The following HMGCL variants were observed in gnomAD, a reference collection of about 807,000 sequenced individuals.
HMGCL encodes 3-hydroxy-3-methylglutaryl-CoA lyase.
HMGCL carries 26 observed loss-of-function variants against 37.3 expected under a neutral mutation model. The observed-to-expected ratio is 0.70, with a 90% CI of 0.51 to 0.97. The LOEUF (loss-of-function observed/expected upper bound fraction) is 0.97, where lower values mean the gene tolerates loss of function less well. Among genes scored for constraint, HMGCL ranks in the 50% least tolerant of loss-of-function variants. The probability of loss-of-function intolerance (pLI) is 0.00; values close to 1 mark genes in which losing one functional copy is unlikely to be tolerated. For synonymous variants in HMGCL, 151 were observed against 148.0 expected, an observed-to-expected ratio of 1.02 and a Z score of -0.15; for missense variants, 379 against 398.1, an observed-to-expected ratio of 0.95 and a Z score of 0.41.
In HMGCL at chr1:23,810,814, G is replaced by A. The variant is rs1314312492; in HGVS notation, c.498-15C>T. 9 of 1,612,086 alleles carry A rather than the reference G, an allele frequency of 5.6e-6. No individual in the cohort carries two copies. The highest frequency in any genetic ancestry group is 6.8e-6 in the Non-Finnish European group (8 of 1,178,234). On this transcript the variant is annotated splice_polypyrimidine_tract_variant and intron_variant, in intron 5 of 8. Coordinates refer to ENST00000374490, the MANE Select transcript of HMGCL (RefSeq NM_000191.3). ...AGGAGACGTACCTGTGGGAAGACAG[G>A]GGAGGAATGAGGTCAGTGTCCTGAG...
At chr1:23,822,824 G>C (rs1638744317) in intron 1 of HMGCL, among the ~76,000 whole-genome samples, 1 of 152,114 alleles carries the variant, frequency 6.6e-6, no homozygotes, top group South Asian at 2.1e-4. Flanking sequence ...TATTTCTAAG[G>C]CCCTGGGACA....
At chr1:23,809,396 C>T (rs1638478744) in intron 6 of HMGCL, 1 of 151,328 alleles carries the variant, frequency 6.6e-6, no homozygotes, top group Non-Finnish European at 1.5e-5. Flanking sequence ...CCACCACCAC[C>T]CCCGGCTAAT....
At chr1:23,807,955 G>A (rs1638442576) in intron 7 of HMGCL, among the ~76,000 whole-genome samples, 180 bp downstream of exon 7, 1 of 152,142 alleles carries the variant, frequency 6.6e-6, no homozygotes, top group South Asian at 2.1e-4. Flanking sequence ...TCCCTTGACT[G>A]TCTCCCCAAC....
intron 2 of HMGCL, among the ~76,000 whole-genome samples, chr1:23,819,006 T>TAAAAA (rs11371330): frequency 2.5e-4 from 11 of 43,142 alleles, no homozygotes; most frequent in African/African-American, 9.3e-4. Flanking sequence ...ATGGACGTGC[T>TAAAAA]AAAAAAAAAA....
chr1:23,819,734 A>AAC (rs149911009), intron 2 of HMGCL, among the ~76,000 whole-genome samples: 187 of 151,588 alleles, frequency 1.2e-3, no homozygotes, highest in South Asian at 3.5e-3. Flanking sequence ...ATCTCCCAAA[A>AAC]ACACACACAC....
chr1:23,816,494 T>C (rs966748136), intron 4 of HMGCL, 181 bp downstream of exon 4: 56 of 708,404 alleles, frequency 7.9e-5, no homozygotes, highest in Non-Finnish European at 1.4e-4. Flanking sequence ...TTTATAGGCT[T>C]GTCAACTTGT....
At position 23,804,424 on chromosome 1, in the gene HMGCL, C is replaced by A; in HGVS notation, c.852G>T (p.Met284Ile). 1 of 1,614,230 alleles carries A rather than the reference C, an allele frequency of 6.2e-7. No individual in the cohort carries two copies. The highest frequency in any genetic ancestry group is 8.5e-7 in the Non-Finnish European group (1 of 1,180,036). Residue 284 changes from methionine (M) to isoleucine (I), a missense_variant, in exon 8 of 9, where the codon ATG becomes ATT. Coordinates refer to ENST00000374490, the MANE Select transcript of HMGCL (RefSeq NM_000191.3). ...CCGTGTGAATGCCCAAGCCCTCTAG[C>A]ATGTAGACCAGGTCTTCTGTGGCCA... ...GNLATEDLVY[M>I]LEGLGIHTGV... is the part of the protein sequence containing the mutation.
chr1:23,823,825 C>T (rs902717009), intron 1 of HMGCL, among the ~76,000 whole-genome samples: 1 of 151,664 alleles, frequency 6.6e-6, no homozygotes, highest in African/African-American at 2.4e-5. Flanking sequence ...AGCCACTGCA[C>T]TCCAGTCTGG....
At position 23,810,863 on chromosome 1, in the gene HMGCL, C is replaced by T; in HGVS notation, c.498-64G>A. 8.9e-6 allele frequency: 12 copies of T among 1,343,184 alleles called. No individual in the cohort carries two copies. The South Asian group carries it at 1.4e-4, about 16-fold the overall frequency. 83.2% of individuals were successfully genotyped at this position (1,343,184 alleles called of 1,614,324 possible). ...AGCTTTTTGGCTAGCAGAACTGAGG[C>T]AGGGCTGTTTAACACACATTTCTGA... is the stretch of plus-strand genomic sequence containing the variant. On this transcript the variant is annotated intron_variant, in intron 5 of 8. Coordinates refer to ENST00000374490, the MANE Select transcript of HMGCL (RefSeq NM_000191.3).
intron 3 of HMGCL, 55 bp downstream of exon 3, chr1:23,817,421 A>G: frequency 4.7e-6 from 5 of 1,053,650 alleles, no homozygotes; most frequent in Non-Finnish European, 7.5e-6. Flanking sequence ...TTCAAAGGCA[A>G]ATGCAAAACT....
At chr1:23,805,460 C>T (rs1638390333) in intron 7 of HMGCL, among the ~76,000 whole-genome samples, 2 of 152,204 alleles carry the variant, frequency 1.3e-5, no homozygotes, top group African/African-American at 2.4e-5. Context: ...AACAGGTTTG[C>T]GTCCCCACAA....
intron 2 of HMGCL, among the ~76,000 whole-genome samples, chr1:23,819,636 G>C (rs1638675298): frequency 6.6e-6 from 1 of 152,162 alleles, no homozygotes; most frequent in Non-Finnish European, 1.5e-5. Flanking sequence ...GGCTGAGGCA[G>C]GAGAATCACT....
At chr1:23,822,832 A>G (rs1444392857) in intron 1 of HMGCL, among the ~76,000 whole-genome samples, 2 of 152,172 alleles carry the variant, frequency 1.3e-5, no homozygotes, top group Non-Finnish European at 2.9e-5. Context: ...AGGCCCTGGG[A>G]CATAATAGGG....
In HMGCL at chr1:23,806,537, G is replaced by A. The variant is rs1279077392; in HGVS notation, c.750+1598C>T. ...CCCTCCCCCTCCCTGCTAGGGATCC[G>A]CAGGGCTCACTCCCTCGCTTCCCTC... On this transcript the variant is annotated intron_variant, in intron 7 of 8. Transcript: ENST00000374490. The surrounding 1 kb of genome is among the most constrained non-coding windows in gnomAD (Gnocchi z 4.0). Among the ~76,000 whole-genome samples the A allele has an allele frequency of 2.6e-5, 4 of 152,110 alleles. No individual in the cohort carries two copies. Among genetic ancestry groups the A allele is most frequent in the Admixed American group, 6.5e-5 (1 of 15,270 alleles).
At position 23,801,887 on chromosome 1, in the gene HMGCL, A is replaced by G; in HGVS notation, c.*576T>C. 2.4e-6 allele frequency: 1 copy of G among 415,334 alleles called. No homozygotes were observed. Among genetic ancestry groups the G allele is most frequent in the Non-Finnish European group, 4.3e-6 (1 of 234,496 alleles). 25.7% of individuals were successfully genotyped at this position (415,334 alleles called of 1,614,324 possible). The stretch of plus-strand genomic sequence containing the variant: ...AGCTGCACAACCGAATGCTGGAATT[A>G]TGATGTGCCATTCAACCTTTAATTA... On this transcript the variant is annotated 3_prime_UTR_variant, in exon 9 of 9. Transcript: ENST00000374490.
At position 23,802,175 on chromosome 1, in the gene HMGCL, G is replaced by A. The variant is rs187470514; in HGVS notation, c.*288C>T. 16 of 592,932 alleles carry A rather than the reference G, an allele frequency of 2.7e-5. No individual in the cohort carries two copies. The highest frequency in any genetic ancestry group is 1.1e-4 in the South Asian group (5 of 47,238). 36.7% of individuals were successfully genotyped at this position (592,932 alleles called of 1,614,324 possible). A position where few individuals can be genotyped will look rare whatever the true frequency, so the allele number is the denominator to read the frequency against. On this transcript the variant is annotated 3_prime_UTR_variant, in exon 9 of 9. Coordinates refer to ENST00000374490, the MANE Select transcript of HMGCL (RefSeq NM_000191.3). ...TCAAGGATCATGCTAAGTAGGGAACGGGGTTCCCACACGTCCTCAGGCATT... is the reference window on the plus strand; with the variant it reads ...TCAAGGATCATGCTAAGTAGGGAACAGGGTTCCCACACGTCCTCAGGCATT...
intron 1 of HMGCL, among the ~76,000 whole-genome samples, chr1:23,823,179 C>CAA (rs60736552): frequency 0.041 from 1,502 of 36,220 alleles, 82 homozygotes; most frequent in African/African-American, 0.11. Flanking sequence ...TTCTTCATCT[C>CAA]AAAAAAAAAA....
In HMGCL at chr1:23,808,753, T is replaced by C. The variant is rs545994146; in HGVS notation, c.562-430A>G. Among the ~76,000 whole-genome samples, 42 of 149,136 alleles carry C rather than the reference T, an allele frequency of 2.8e-4. No homozygotes were observed. In the East Asian group the frequency reaches 4.3e-3, roughly 15 times the overall value. On this transcript the variant is annotated intron_variant, in intron 6 of 8. Transcript: ENST00000374490. ...GTTATATTTTTTTTCTTTTTTTTTT[T>C]TTTTTTTTGAGACCGGGTCTCACTC...
In HMGCL at chr1:23,802,181, C is replaced by T. The variant is rs1638290170; in HGVS notation, c.*282G>A. On this transcript the variant is annotated 3_prime_UTR_variant, in exon 9 of 9. Coordinates refer to ENST00000374490, the MANE Select transcript of HMGCL (RefSeq NM_000191.3). ...ATCATGCTAAGTAGGGAACGGGGTT[C>T]CCACACGTCCTCAGGCATTCAACTC... 4 of 594,554 alleles carry T rather than the reference C, an allele frequency of 6.7e-6. No individual in the cohort carries two copies. Among genetic ancestry groups the T allele is most frequent in the Admixed American group, 3.0e-5 (1 of 33,836 alleles). 36.8% of individuals were successfully genotyped at this position (594,554 alleles called of 1,614,324 possible). A position where few individuals can be genotyped will look rare whatever the true frequency, so the allele number is the denominator to read the frequency against.
Sources: allele counts gnomAD v4.1 joint callset (sites outside exome capture counted in the v4.1 genomes callset), GRCh38; gene constraint gnomAD v4.1.1; non-coding constraint Gnocchi (gnomAD v3.1); transcripts MANE v1.5; gene names NCBI Gene and HGNC (gene_info 2026-07-23, HGNC 2026-07-21).